GALNT13: variants seen among roughly 807,000 people sequenced by gnomAD.
GALNT13 encodes the protein polypeptide N-acetylgalactosaminyltransferase 13, also known as UDP-GalNAc:polypeptide N-acetylgalactosaminyltransferase 13.
A neutral mutation model predicts 64.2 loss-of-function variants in GALNT13; 28 were observed. That is an observed-to-expected ratio of 0.44 (90% CI 0.32 to 0.60). The LOEUF (loss-of-function observed/expected upper bound fraction) is 0.60. GALNT13 is among the 20% of genes least tolerant of loss of function. The probability of loss-of-function intolerance (pLI) is 0.05; values close to 1 mark genes in which losing one functional copy is unlikely to be tolerated. For synonymous variants in GALNT13, 214 were observed against 224.6 expected (o/e 0.95, Z 0.42); for missense variants, 577 against 669.8 (o/e 0.86, Z 1.53).
intron 2 of GALNT13, among the ~76,000 whole-genome samples, chr2:153,924,171 G>A (rs1221999312): frequency 1.3e-5 from 2 of 151,814 alleles, no homozygotes; most frequent in South Asian, 2.1e-4. Context: ...GTATTAAGCC[G>A]AGCATCCATT....
intron 3 of GALNT13, among the ~76,000 whole-genome samples, chr2:154,101,801 A>G (rs1348361015): frequency 6.6e-6 from 1 of 151,968 alleles, no homozygotes; most frequent in Non-Finnish European, 1.5e-5. Flanking sequence ...AATTCTTAGT[A>G]TTGCTTTTGC....
At chr2:153,657,804 A>G in the GALNT13 span, among the ~76,000 whole-genome samples, 15 of 152,262 alleles carry the variant, frequency 9.9e-5, no homozygotes, top group African/African-American at 3.6e-4. Flanking sequence ...AGATTTCACT[A>G]TAATATAGCA....
intron 4 of GALNT13, among the ~76,000 whole-genome samples, chr2:154,216,802 C>CTTTTT (rs397872685): frequency 8.8e-4 from 63 of 71,296 alleles, no homozygotes; most frequent in East Asian, 3.7e-3. Flanking sequence ...TTCTCTCTCT[C>CTTTTT]TTTTTTTTTT....
chr2:153,723,669 C>T, the GALNT13 span, among the ~76,000 whole-genome samples: 1 of 152,040 alleles, frequency 6.6e-6, no homozygotes, highest in Non-Finnish European at 1.5e-5. Flanking sequence ...AACAAACAAA[C>T]AGAGAGCCAA....
the GALNT13 span, among the ~76,000 whole-genome samples, chr2:153,108,276 GT>G: frequency 2.0e-5 from 3 of 151,478 alleles, no homozygotes; most frequent in African/African-American, 7.3e-5. Context: ...AAAAGAACAA[GT>G]TTTTTTTTCA....
chr2:153,486,838 T>C, the GALNT13 span, among the ~76,000 whole-genome samples: 8 of 152,186 alleles, frequency 5.3e-5, no homozygotes, highest in African/African-American at 1.7e-4. Flanking sequence ...GTCTGCATGA[T>C]TTAGACTTTG....
At chr2:154,253,706 A>G (rs556189503) in intron 7 of GALNT13, among the ~76,000 whole-genome samples, 41 of 152,232 alleles carry the variant, frequency 2.7e-4, no homozygotes, top group Admixed American at 4.6e-4. Flanking sequence ...AAATCTTGCA[A>G]TTAGTGAAAT....
chr2:154,291,654 AGCCCCAGCTCCTGCCC>A (rs1475538287), intron 8 of GALNT13, among the ~76,000 whole-genome samples: 1 of 152,030 alleles, frequency 6.6e-6, no homozygotes, highest in East Asian at 1.9e-4. Context: ...TGCTGCGTGC[AGCCCCAGCTCCTGCCC>A]GCACCTCTCC....
intron 1 of GALNT13, among the ~76,000 whole-genome samples, chr2:153,895,813 A>C (rs1250908148): frequency 1.3e-5 from 2 of 151,930 alleles, no homozygotes; most frequent in African/African-American, 4.8e-5. Flanking sequence ...ATATATGCAC[A>C]AGGACCTTCA....
At chr2:153,363,831 C>T in the GALNT13 span, among the ~76,000 whole-genome samples, 1 of 152,164 alleles carries the variant, frequency 6.6e-6, no homozygotes, top group East Asian at 1.9e-4. Context: ...TGGAACCATT[C>T]CTTCCAAAAC....
At chr2:153,197,827 TGAGGGCACTTGCAAGTGTGCG>T in the GALNT13 span, among the ~76,000 whole-genome samples, 1 of 152,054 alleles carries the variant, frequency 6.6e-6, no homozygotes, top group African/African-American at 2.4e-5. Context: ...GCAGCAGTGG[TGAGGGCACTTGCAAGTGTGCG>T]GCAGCCTTGC....
the GALNT13 span, among the ~76,000 whole-genome samples, chr2:153,349,365 A>AT: frequency 2.6e-5 from 4 of 152,152 alleles, no homozygotes; most frequent in Non-Finnish European, 5.9e-5. Context: ...CAACTTTATC[A>AT]TTTTTTTCTA....
At chr2:153,731,627 C>A in the GALNT13 span, among the ~76,000 whole-genome samples, 1 of 151,940 alleles carries the variant, frequency 6.6e-6, no homozygotes, top group African/African-American at 2.4e-5. Flanking sequence ...ATATAGGATT[C>A]AAACTTTACT....
chr2:154,091,397 T>C (rs191855949), intron 3 of GALNT13, among the ~76,000 whole-genome samples: 2 of 152,100 alleles, frequency 1.3e-5, no homozygotes, highest in African/African-American at 2.4e-5. Flanking sequence ...TTTGAAAGGA[T>C]ATTGATTATG....
At chr2:153,325,862 CTGTT>C in the GALNT13 span, among the ~76,000 whole-genome samples, 6 of 152,118 alleles carry the variant, frequency 3.9e-5, no homozygotes, top group Admixed American at 2.6e-4. Flanking sequence ...GTCTGAGAGA[CTGTT>C]TGTTATGATT....
the GALNT13 span, among the ~76,000 whole-genome samples, chr2:153,843,611 C>G: frequency 3.2e-4 from 48 of 152,214 alleles, no homozygotes; most frequent in Admixed American, 1.3e-3. Flanking sequence ...CACCCAAACT[C>G]TTAACTTAGT....
intron 3 of GALNT13, among the ~76,000 whole-genome samples, chr2:154,094,676 A>G (rs969462049): frequency 3.3e-5 from 5 of 151,978 alleles, no homozygotes; most frequent in African/African-American, 1.2e-4. Context: ...GTAGTCATAC[A>G]TAATATTTAA....
chr2:153,285,196 A>T, the GALNT13 span, among the ~76,000 whole-genome samples: 4 of 152,096 alleles, frequency 2.6e-5, no homozygotes, highest in Non-Finnish European at 5.9e-5. Context: ...ATCAGATCTC[A>T]TGAGACTCAC....
the GALNT13 span, among the ~76,000 whole-genome samples, chr2:153,330,203 G>A: frequency 4.1e-4 from 62 of 152,302 alleles, no homozygotes; most frequent in Middle Eastern, 3.4e-3. Flanking sequence ...TTTGAAGTCA[G>A]GTAATGTGAT....
Sources: gnomAD v4.1 joint callset for allele counts (sites outside exome capture counted in the v4.1 genomes callset) on GRCh38, gnomAD v4.1.1 for gene constraint, MANE v1.5 for transcripts, NCBI Gene and HGNC (gene_info 2026-07-23, HGNC 2026-07-21) for gene names.